SLC25A21: variants seen among roughly 807,000 people sequenced by gnomAD.
The protein encoded by SLC25A21 is solute carrier family 25 member 21.
Under a neutral mutation model 43.8 loss-of-function variants are expected in SLC25A21, and 47 were observed. The ratio of observed to expected loss-of-function variants is 1.07; its 90% confidence interval spans 0.85 to 1.37. The LOEUF is 1.37. SLC25A21 is among the 40% of genes most tolerant of loss of function. The probability of loss-of-function intolerance (pLI) is 0.00; values close to 1 mark genes in which losing one functional copy is unlikely to be tolerated. For missense variants in SLC25A21, 352 were observed against 350.2 expected, an observed-to-expected ratio of 1.00 and a Z score of -0.04; for synonymous variants, 131 against 121.3, an observed-to-expected ratio of 1.08 and a Z score of -0.52.
chr14:36,950,351 T>A (rs1892778326), intron 1 of SLC25A21, among the ~76,000 whole-genome samples: 1 of 152,120 alleles, frequency 6.6e-6, no homozygotes, highest in African/African-American at 2.4e-5. Context: ...TAATTAAGAT[T>A]AAATGGGGTC....
chr14:36,869,202 A>C (rs1194434351), intron 2 of SLC25A21, among the ~76,000 whole-genome samples: 7 of 152,214 alleles, frequency 4.6e-5, no homozygotes, highest in Admixed American at 4.6e-4. Flanking sequence ...CAACAGGATC[A>C]GCTAAAAGTC....
chr14:36,918,885 T>G (rs1400079510), intron 1 of SLC25A21, among the ~76,000 whole-genome samples: 1 of 152,042 alleles, frequency 6.6e-6, no homozygotes, highest in East Asian at 1.9e-4. Context: ...GTAAGACACA[T>G]AAATTTTTCT....
At chr14:36,845,115 T>C (rs560029908) in intron 2 of SLC25A21, among the ~76,000 whole-genome samples, 1 of 152,324 alleles carries the variant, frequency 6.6e-6, no homozygotes, top group South Asian at 2.1e-4. Context: ...ACTGCCATCA[T>C]GTAACACGGT....
chr14:36,823,139 C>T (rs1310832166), intron 2 of SLC25A21, among the ~76,000 whole-genome samples: 1 of 152,120 alleles, frequency 6.6e-6, no homozygotes, highest in African/African-American at 2.4e-5. Flanking sequence ...ACTAACTACA[C>T]TGACAATATA....
At chr14:36,974,832 C>G (rs1292441398) in intron 1 of SLC25A21, among the ~76,000 whole-genome samples, 1 of 151,882 alleles carries the variant, frequency 6.6e-6, no homozygotes, top group Non-Finnish European at 1.5e-5. Flanking sequence ...AACAAGAAAC[C>G]AAGTAGTACA....
At chr14:37,149,395 A>G (rs1233464068) in intron 1 of SLC25A21, among the ~76,000 whole-genome samples, 2 of 152,068 alleles carry the variant, frequency 1.3e-5, no homozygotes, top group Non-Finnish European at 2.9e-5. Context: ...TCCTATTTCA[A>G]CTTTACAGAA....
chr14:36,998,605 A>C (rs889031066), intron 1 of SLC25A21, among the ~76,000 whole-genome samples: 2 of 152,158 alleles, frequency 1.3e-5, no homozygotes, highest in African/African-American at 4.8e-5. Flanking sequence ...TAATGTCTAC[A>C]GATAACATTT....
chr14:36,996,762 C>G (rs1960380635), intron 1 of SLC25A21, among the ~76,000 whole-genome samples: 1 of 152,154 alleles, frequency 6.6e-6, no homozygotes, highest in Non-Finnish European at 1.5e-5. Context: ...TCAGCACATT[C>G]TCACAGGAGA....
chr14:36,765,666 T>C (rs192360879), intron 3 of SLC25A21, among the ~76,000 whole-genome samples: 1 of 152,334 alleles, frequency 6.6e-6, no homozygotes, highest in Admixed American at 6.5e-5. Flanking sequence ...CTGTACTGTC[T>C]TGGCATTCCT....
intron 1 of SLC25A21, among the ~76,000 whole-genome samples, chr14:36,940,591 T>G (rs1594707453): frequency 6.6e-6 from 1 of 152,168 alleles, no homozygotes; most frequent in Admixed American, 6.5e-5. Flanking sequence ...CTAAATAAAA[T>G]AAGTCAGAAA....
At chr14:36,787,274 T>A (rs958877296) in intron 3 of SLC25A21, among the ~76,000 whole-genome samples, 2 of 152,200 alleles carry the variant, frequency 1.3e-5, no homozygotes, top group Non-Finnish European at 2.9e-5. Context: ...TGAGAAGCCA[T>A]GAAAACTAAG....
In SLC25A21 at chr14:36,680,006, A is replaced by G. The variant is rs1385509908; in HGVS notation, c.*652T>C. 4.0e-6 allele frequency: 3 copies of G among 744,570 alleles called. No individual in the cohort carries two copies. The highest frequency in any genetic ancestry group is 4.5e-6 in the Non-Finnish European group (3 of 669,586). The allele number at this position is 744,570 out of a possible 1,614,324, so 46.1% of individuals were successfully genotyped here. On this transcript the variant is annotated 3_prime_UTR_variant, in exon 10 of 10. Transcript: ENST00000331299. Reference sequence around the variant, plus strand: ...CAATGTTTTAAAATACCTATTTATTATCTTACAGCAATATGAGATATAAAG... The same window carrying G: ...CAATGTTTTAAAATACCTATTTATTGTCTTACAGCAATATGAGATATAAAG...
intron 3 of SLC25A21, among the ~76,000 whole-genome samples, chr14:36,753,146 C>T (rs995024553): frequency 5.7e-4 from 87 of 151,964 alleles, no homozygotes; most frequent in African/African-American, 2.0e-3. Flanking sequence ...AGGTGAATGA[C>T]GGTGATGGTT....
At chr14:36,780,469 G>A (rs563158018) in intron 3 of SLC25A21, among the ~76,000 whole-genome samples, 65 of 152,020 alleles carry the variant, frequency 4.3e-4, no homozygotes, top group African/African-American at 1.5e-3. Flanking sequence ...GGCATTTATT[G>A]CTATAAAATT....
At chr14:37,012,722 C>T (rs1273491742) in intron 1 of SLC25A21, among the ~76,000 whole-genome samples, 2 of 152,126 alleles carry the variant, frequency 1.3e-5, no homozygotes, top group Non-Finnish European at 2.9e-5. Context: ...TTAGTAATAG[C>T]GATTTGGCTT....
intron 1 of SLC25A21, among the ~76,000 whole-genome samples, chr14:36,980,469 C>A (rs2138698693): frequency 6.6e-6 from 1 of 152,330 alleles, no homozygotes; most frequent in African/African-American, 2.4e-5. Flanking sequence ...CTCTAAACTT[C>A]TCTTCTCGCT....
Position 36,711,391 on chromosome 14 carries a change from C to G in SLC25A21, c.530G>C (p.Gly177Ala), listed in dbSNP as rs1883859313. 3 of 1,614,008 alleles carry G rather than the reference C, an allele frequency of 1.9e-6. No individual in the cohort carries two copies. Among genetic ancestry groups the G allele is most frequent in the Non-Finnish European group, 2.5e-6 (3 of 1,180,018 alleles). Reference sequence around the variant, plus strand: ...AACCATGTTGAAAACTCCATGTCGTCCCAAAGTTGCAGTTAATCCTTTGTT... The same window carrying G: ...AACCATGTTGAAAACTCCATGTCGTGCCAAAGTTGCAGTTAATCCTTTGTT... ...GLNKGLTATL[G>A]RHGVFNMVYF... Residue 177 changes from glycine to alanine, a missense_variant, in exon 7 of 10, where the codon GGA becomes GCA. By Grantham distance (60) the Gly-to-Ala change is moderately conservative. Transcript: ENST00000331299.
At chr14:36,796,925 G>A (rs1481804190) in intron 3 of SLC25A21, among the ~76,000 whole-genome samples, 1 of 152,110 alleles carries the variant, frequency 6.6e-6, no homozygotes, top group Admixed American at 6.6e-5. Context: ...TTCTAACTCT[G>A]CAACCACTCC....
intron 3 of SLC25A21, among the ~76,000 whole-genome samples, chr14:36,756,282 G>C (rs1268910577): frequency 1.3e-5 from 2 of 152,220 alleles, no homozygotes; most frequent in Non-Finnish European, 2.9e-5. Context: ...GGAGCTGGAA[G>C]ACGATGTTCG....
Sources: gnomAD v4.1 joint callset for allele counts (sites outside exome capture counted in the v4.1 genomes callset) on GRCh38, gnomAD v4.1.1 for gene constraint, MANE v1.5 for transcripts, NCBI Gene and HGNC (gene_info 2026-07-23, HGNC 2026-07-21) for gene names.